The following DCC variants were observed in gnomAD, a reference collection of about 807,000 sequenced individuals.
DCC encodes the protein netrin receptor DCC.
DCC carries 58 observed loss-of-function variants against 172.5 expected under a neutral mutation model. The observed-to-expected ratio is 0.34, with a 90% CI of 0.27 to 0.42. DCC has a LOEUF of 0.42. Among genes scored for constraint, DCC ranks in the 10% least tolerant of loss-of-function variants. The pLI is 1.00. For synonymous variants in DCC, 709 were observed against 644.5 expected, an observed-to-expected ratio of 1.10 and a Z score of -1.52; for missense variants, 1,740 against 1,791.0, an observed-to-expected ratio of 0.97 and a Z score of 0.51.
intron 1 of DCC, among the ~76,000 whole-genome samples, chr18:52,485,142 T>A (rs1027010907): frequency 3.9e-5 from 6 of 152,058 alleles, no homozygotes; most frequent in African/African-American, 7.2e-5. Context: ...TGACATGTGG[T>A]TTCTTCTGTA....
chr18:52,573,175 C>T (rs2033339126), intron 1 of DCC, among the ~76,000 whole-genome samples: 2 of 151,884 alleles, frequency 1.3e-5, no homozygotes, highest in South Asian at 4.1e-4. Flanking sequence ...TGTAATAAAT[C>T]TTGTATGGTT....
intron 7 of DCC, among the ~76,000 whole-genome samples, chr18:53,124,544 T>G (rs2144298238): frequency 6.6e-6 from 1 of 152,214 alleles, no homozygotes; most frequent in Admixed American, 6.5e-5. Context: ...TTGACATTAC[T>G]TAGTTGTGGG....
At chr18:52,582,043 T>A (rs1401850161) in intron 1 of DCC, among the ~76,000 whole-genome samples, 2 of 146,344 alleles carry the variant, frequency 1.4e-5, no homozygotes, top group Non-Finnish European at 3.0e-5. Context: ...TCCATCAGGA[T>A]AATGCACTGT....
At chr18:52,950,422 T>C (rs564090644) in intron 5 of DCC, among the ~76,000 whole-genome samples, 39 of 152,298 alleles carry the variant, frequency 2.6e-4, no homozygotes, top group African/African-American at 8.9e-4. Context: ...CATCTGAGCA[T>C]CAGCACTCTG....
chr18:53,171,232 C>A (rs879868018), intron 8 of DCC, among the ~76,000 whole-genome samples: 4 of 152,102 alleles, frequency 2.6e-5, no homozygotes, highest in Non-Finnish European at 5.9e-5. Flanking sequence ...AAGCAGATTT[C>A]TGGAAAGTGG....
intron 15 of DCC, among the ~76,000 whole-genome samples, chr18:53,346,800 G>A (rs1442761170): frequency 6.6e-6 from 1 of 152,074 alleles, no homozygotes; most frequent in Non-Finnish European, 1.5e-5. Flanking sequence ...ACTTGAGAAT[G>A]GACTATATTT....
chr18:53,022,086 T>A (rs1293575763), intron 5 of DCC, among the ~76,000 whole-genome samples: 1 of 152,236 alleles, frequency 6.6e-6, no homozygotes, highest in Non-Finnish European at 1.5e-5. Flanking sequence ...GCATATTAAT[T>A]GATCTAAATA....
chr18:52,810,488 G>A (rs1024696304), intron 2 of DCC, among the ~76,000 whole-genome samples: 1 of 152,178 alleles, frequency 6.6e-6, no homozygotes, highest in Non-Finnish European at 1.5e-5. Flanking sequence ...ATTGAACGGT[G>A]AGGAGGGCAA....
At chr18:52,853,904 G>A (rs554869102) in intron 2 of DCC, among the ~76,000 whole-genome samples, 47 of 152,314 alleles carry the variant, frequency 3.1e-4, no homozygotes, top group Middle Eastern at 3.4e-3. Flanking sequence ...GTGTAAATGA[G>A]GAGAGGCAGG....
At chr18:52,676,196 C>T (rs2035643988) in intron 1 of DCC, among the ~76,000 whole-genome samples, 1 of 152,172 alleles carries the variant, frequency 6.6e-6, no homozygotes, top group Non-Finnish European at 1.5e-5. Flanking sequence ...GTTCTCTCAG[C>T]TAAGAACTTT....
At position 53,215,686 on chromosome 18, in the gene DCC, C is replaced by T. The variant is rs1027680082; in HGVS notation, c.1911+89C>T. On this transcript the variant is annotated intron_variant, in intron 12 of 28. Coordinates refer to ENST00000442544, the MANE Select transcript of DCC (RefSeq NM_005215.4). ...ACTCACCCAACTGCTGTCTTGAGTA[C>T]AGGATAGTGGCTTCCATGTGCAGAA... 1.7e-4 allele frequency: 179 copies of T among 1,050,692 alleles called. 2 individuals are homozygous for T. In the Admixed American group the frequency reaches 2.9e-3, roughly 17 times the overall value. The allele number at this position is 1,050,692 out of a possible 1,614,324, so 65.1% of individuals were successfully genotyped here.
intron 1 of DCC, among the ~76,000 whole-genome samples, chr18:52,389,626 C>G (rs566121551): frequency 2.6e-5 from 4 of 151,252 alleles, no homozygotes; most frequent in African/African-American, 9.6e-5. Flanking sequence ...CAGGAGAAAA[C>G]TGATGGCACT....
chr18:52,819,048 G>C (rs1195324451), intron 2 of DCC, among the ~76,000 whole-genome samples: 3 of 152,176 alleles, frequency 2.0e-5, no homozygotes, highest in African/African-American at 4.8e-5. Context: ...TTACAAAAGA[G>C]ATAGGAGATA....
At chr18:53,379,493 G>C (rs11876282) in intron 15 of DCC, among the ~76,000 whole-genome samples, 69,671 of 152,014 alleles carry the variant, frequency 0.46, 16,916 homozygotes, top group Non-Finnish European at 0.54. Context: ...CAGGTTTCTT[G>C]ATTCATTCCC....
chr18:53,029,476 A>G (rs551827013), intron 5 of DCC, among the ~76,000 whole-genome samples: 14 of 152,266 alleles, frequency 9.2e-5, no homozygotes, highest in Non-Finnish European at 1.6e-4. Context: ...GGCAGAGTCA[A>G]TTATACCTTC....
intron 9 of DCC, among the ~76,000 whole-genome samples, chr18:53,197,600 G>A (rs1320116159): frequency 6.6e-6 from 1 of 151,806 alleles, no homozygotes; most frequent in Non-Finnish European, 1.5e-5. Flanking sequence ...TCAGTATAAT[G>A]GCTCGGAGAC....
chr18:52,811,089 A>G (rs189546234), intron 2 of DCC, among the ~76,000 whole-genome samples: 33 of 152,346 alleles, frequency 2.2e-4, no homozygotes, highest in African/African-American at 7.5e-4. Flanking sequence ...AATTCAAGCT[A>G]TAGTCTGCAT....
chr18:52,426,351 C>T (rs1987426696), intron 1 of DCC, among the ~76,000 whole-genome samples: 1 of 148,556 alleles, frequency 6.7e-6, no homozygotes, highest in Admixed American at 6.8e-5. Context: ...TGAGCTAAAG[C>T]TCTACCCCAT....
chr18:53,217,305 G>GTA (rs1389089871), intron 12 of DCC, among the ~76,000 whole-genome samples: 1 of 93,850 alleles, frequency 1.1e-5, no homozygotes, highest in East Asian at 2.3e-4. Flanking sequence ...ACACACATAT[G>GTA]TATATACACA....
Sources: gnomAD v4.1 joint callset for allele counts (sites outside exome capture counted in the v4.1 genomes callset) on GRCh38, gnomAD v4.1.1 for gene constraint, MANE v1.5 for transcripts, NCBI Gene and HGNC (gene_info 2026-07-23, HGNC 2026-07-21) for gene names.